The following ADAM18 variants were observed in gnomAD, a reference collection of about 807,000 sequenced individuals.
ADAM18 encodes the protein disintegrin and metalloproteinase domain-containing protein 18.
Under a neutral mutation model 94.4 loss-of-function variants are expected in ADAM18, and 117 were observed. The ratio of observed to expected loss-of-function variants is 1.24; its 90% CI spans 1.07 to 1.45. The LOEUF is 1.45. ADAM18 is among the 40% of genes most tolerant of loss of function. ADAM18 has a pLI of 0.00. For synonymous variants in ADAM18, 327 were observed against 291.6 expected, an observed-to-expected ratio of 1.12 and a Z score of -1.24; for missense variants, 936 against 880.0, an observed-to-expected ratio of 1.06 and a Z score of -0.81.
At chr8:39,721,592 AT>A (rs1420904116) in intron 18 of ADAM18, among the ~76,000 whole-genome samples, 15 of 151,390 alleles carry the variant, frequency 9.9e-5, no homozygotes, top group Non-Finnish European at 2.2e-4. Flanking sequence ...CATCAAAAAA[AT>A]GGCAAAAGAC....
intron 13 of ADAM18, 136 bp downstream of exon 13, chr8:39,664,026 C>G: frequency 1.6e-6 from 1 of 624,104 alleles, no homozygotes; most frequent in Non-Finnish European, 2.7e-6. Context: ...TGAACAAACA[C>G]AAGTTTAAAG....
chr8:39,707,919 T>C (rs573844703), intron 18 of ADAM18, among the ~76,000 whole-genome samples: 1 of 152,164 alleles, frequency 6.6e-6, no homozygotes, highest in Non-Finnish European at 1.5e-5. Flanking sequence ...TCTTGCCCTT[T>C]GGGATCATGA....
At chr8:39,608,741 T>A (rs115858543) in intron 3 of ADAM18, among the ~76,000 whole-genome samples, 138 of 152,178 alleles carry the variant, frequency 9.1e-4, no homozygotes, top group African/African-American at 3.1e-3. Flanking sequence ...TCCCAGCACC[T>A]ACATGAGGGT....
chr8:39,654,615 C>A (rs1356389840), intron 12 of ADAM18, among the ~76,000 whole-genome samples: 2 of 151,856 alleles, frequency 1.3e-5, no homozygotes, highest in South Asian at 2.1e-4. Context: ...GTTGAGGAAG[C>A]TTCATACTAC....
At chr8:39,597,699 C>T (rs1023168631) in intron 2 of ADAM18, among the ~76,000 whole-genome samples, 1 of 152,154 alleles carries the variant, frequency 6.6e-6, no homozygotes, top group Non-Finnish European at 1.5e-5. Context: ...TCAGTCTTGA[C>T]ATCAGGTAGT....
intron 10 of ADAM18, among the ~76,000 whole-genome samples, chr8:39,641,886 A>G (rs533741200): frequency 6.6e-6 from 1 of 152,092 alleles, no homozygotes; most frequent in South Asian, 2.1e-4. Flanking sequence ...TGCAGTGTAT[A>G]AGTGTTCCTC....
intron 16 of ADAM18, among the ~76,000 whole-genome samples, chr8:39,691,953 T>C (rs758359835): frequency 6.6e-6 from 1 of 151,908 alleles, no homozygotes; most frequent in African/African-American, 2.4e-5. Flanking sequence ...AGTATTGTTA[T>C]GTTGTGAACG....
At chr8:39,710,397 G>GTACA (rs1822363867) in intron 18 of ADAM18, among the ~76,000 whole-genome samples, 1 of 152,118 alleles carries the variant, frequency 6.6e-6, no homozygotes, top group African/African-American at 2.4e-5. Flanking sequence ...GAGAAAGAAT[G>GTACA]TACAGAAAAG....
intron 17 of ADAM18, among the ~76,000 whole-genome samples, chr8:39,695,125 A>C (rs1389486577): frequency 6.6e-6 from 1 of 151,184 alleles, no homozygotes. Context: ...TTGATCATTC[A>C]TCTATTAAAG....
At chr8:39,719,803 G>A (rs1327059084) in intron 18 of ADAM18, among the ~76,000 whole-genome samples, 2 of 151,326 alleles carry the variant, frequency 1.3e-5, no homozygotes, top group African/African-American at 2.4e-5. Flanking sequence ...ACCATATACT[G>A]ATATTTAAAA....
At chr8:39,598,782 A>AC (rs1491492758) in intron 2 of ADAM18, among the ~76,000 whole-genome samples, 1 of 149,646 alleles carries the variant, frequency 6.7e-6, no homozygotes, top group African/African-American at 2.5e-5. Flanking sequence ...AAAAAAAAAA[A>AC]CAACAAAAAA....
intron 16 of ADAM18, among the ~76,000 whole-genome samples, chr8:39,681,233 G>A (rs1290980495): frequency 6.6e-6 from 1 of 152,172 alleles, no homozygotes; most frequent in African/African-American, 2.4e-5. Flanking sequence ...GCTGCCTTCA[G>A]GGAAAATCCT....
chr8:39,592,801 C>T (rs1818613400), intron 2 of ADAM18, among the ~76,000 whole-genome samples: 1 of 152,140 alleles, frequency 6.6e-6, no homozygotes. Context: ...ATGTAACAAT[C>T]AAGCACGTGT....
chr8:39,617,646 A>G (rs778131086), intron 6 of ADAM18, among the ~76,000 whole-genome samples: 6 of 152,250 alleles, frequency 3.9e-5, no homozygotes, highest in Non-Finnish European at 8.8e-5. Context: ...ACCATGGAAT[A>G]CTACACAGCC....
At chr8:39,585,092 C>T (rs547786775) in intron 1 of ADAM18, among the ~76,000 whole-genome samples, 184 bp from the exon 2 acceptor site, 7 of 152,074 alleles carry the variant, frequency 4.6e-5, no homozygotes, top group Admixed American at 1.3e-4. Flanking sequence ...TGTGTCTTAG[C>T]CATTTTCAAT....
At chr8:39,651,342 T>G (rs1248499766) in intron 12 of ADAM18, among the ~76,000 whole-genome samples, 1 of 152,114 alleles carries the variant, frequency 6.6e-6, no homozygotes, top group Non-Finnish European at 1.5e-5. Context: ...CACAGACCCT[T>G]TACGGGTGTC....
chr8:39,729,264 G>A (rs990194695), intron 19 of ADAM18, among the ~76,000 whole-genome samples: 5 of 152,114 alleles, frequency 3.3e-5, no homozygotes, highest in Non-Finnish European at 7.4e-5. Flanking sequence ...GAGACAGATG[G>A]TGATAGTTTC....
At chr8:39,634,437 G>A (rs577326897) in intron 7 of ADAM18, among the ~76,000 whole-genome samples, 12 of 152,144 alleles carry the variant, frequency 7.9e-5, no homozygotes, top group African/African-American at 2.4e-4. Context: ...ATGCATTTTC[G>A]ATGTGTGAGA....
intron 6 of ADAM18, among the ~76,000 whole-genome samples, chr8:39,615,236 A>G (rs139884943): frequency 1.3e-3 from 195 of 152,222 alleles, no homozygotes; most frequent in African/African-American, 4.1e-3. Flanking sequence ...TAAAAAAAAA[A>G]AAACATACGG....
Sources: allele counts gnomAD v4.1 joint callset (sites outside exome capture counted in the v4.1 genomes callset), GRCh38; gene constraint gnomAD v4.1.1; transcripts MANE v1.5; gene names NCBI Gene and HGNC (gene_info 2026-07-23, HGNC 2026-07-21).